DAAM2: variants seen among roughly 807,000 people sequenced by gnomAD.
The protein encoded by DAAM2 is disheveled-associated activator of morphogenesis 2.
In DAAM2, 39 loss-of-function variants were observed where a neutral mutation model predicts 120.7. The ratio of observed to expected loss-of-function variants is 0.32; its 90% confidence interval spans 0.25 to 0.42. DAAM2 has a LOEUF of 0.42. Ranked by LOEUF, DAAM2 falls within the 10% of genes least tolerant of loss-of-function variation. The probability of loss-of-function intolerance (pLI) is 1.00; values close to 1 mark genes in which losing one functional copy is unlikely to be tolerated. For synonymous variants in DAAM2, 488 were observed against 524.9 expected (o/e 0.93, Z 0.96); for missense variants, 1,283 against 1,401.7 (o/e 0.92, Z 1.35).
rs369257027 is a variant in DAAM2, at chr6:39,884,082, A to G, written c.1953+13A>G. The stretch of plus-strand genomic sequence containing the variant: ...CCAGAGGCACCAGGTAAGACCCTAT[A>G]CCCTCTGGCCTCTTGGACCATACCC... On this transcript the variant is annotated intron_variant, in intron 15 of 24. Transcript: ENST00000274867. 285 of 1,437,236 alleles carry G rather than the reference A, an allele frequency of 2.0e-4. No individual in the cohort carries two copies. The highest frequency in any genetic ancestry group is 2.6e-4 in the Admixed American group (15 of 57,074). The allele number at this position is 1,437,236 out of a possible 1,614,324, so 89.0% of individuals were successfully genotyped here. A position where few individuals can be genotyped will look rare whatever the true frequency, so the allele number is the denominator to read the frequency against.
Position 39,898,904 on chromosome 6 carries a change from C to T in DAAM2, c.2646C>T (p.Gly882=). The change falls in exon 22 of 25, where the codon GGC becomes GGT. Residue 882 remains glycine, a synonymous_variant. Transcript: ENST00000274867. ...TAGCAGAACTGGAGAAGGAGGTGGG[C>T]AACCTCAGGAGGGGCCTGAGAGCGG... is the stretch of plus-strand genomic sequence containing the variant. ...VNLAELEKEV[G]NLRRGLRAVE... The T allele has an allele frequency of 6.2e-7, 1 of 1,612,782 alleles. No individual in the cohort carries two copies. Among genetic ancestry groups the T allele is most frequent in the South Asian group, 1.1e-5 (1 of 90,598 alleles).
intron 22 of DAAM2, 64 bp from the exon 23 acceptor site, chr6:39,900,013 T>G: frequency 6.5e-7 from 1 of 1,533,012 alleles, no homozygotes; most frequent in Non-Finnish European, 8.8e-7. Context: ...GGAGATGTGG[T>G]GACCCCTGCA....
intron 1 of DAAM2, among the ~76,000 whole-genome samples, chr6:39,794,631 G>A (rs1362202476): frequency 6.6e-6 from 1 of 152,064 alleles, no homozygotes; most frequent in Non-Finnish European, 1.5e-5. Flanking sequence ...TGCTTGCTGT[G>A]AGAACATGTT....
At position 39,864,363 on chromosome 6, in the gene DAAM2, T is replaced by A; in HGVS notation, c.259-70T>A. ...AATGAATCCCTCTGCTGACACGGAA[T>A]GAAGCTCAGGATCTCAGGCCACGGG... On this transcript the variant is annotated intron_variant, in intron 3 of 24. Coordinates refer to ENST00000274867, the MANE Select transcript of DAAM2 (RefSeq NM_001201427.2). 4 of 1,221,644 alleles carry A rather than the reference T, an allele frequency of 3.3e-6. No homozygotes were observed. In the South Asian group the frequency reaches 5.2e-5, roughly 16 times the overall value. 75.7% of individuals were successfully genotyped at this position (1,221,644 alleles called of 1,614,324 possible).
At chr6:39,825,102 T>C (rs2114154640) in intron 1 of DAAM2, among the ~76,000 whole-genome samples, 3 of 152,114 alleles carry the variant, frequency 2.0e-5, no homozygotes, top group Middle Eastern at 6.8e-3. Flanking sequence ...AGAAGGGTCT[T>C]TGTCAGGCTG....
chr6:39,895,227 C>CTTATTTATTTATTTATTTATTTAT lies in DAAM2; in HGVS notation c.2342-1582_2342-1559dup, dbSNP rs59537611. On this transcript the variant is annotated intron_variant, in intron 19 of 24. Coordinates refer to ENST00000274867, the MANE Select transcript of DAAM2 (RefSeq NM_001201427.2). The stretch of plus-strand genomic sequence containing the variant: ...CTATTCATTTTTACAACTTTATTTA[C>CTTATTTATTTATTTATTTATTTAT]TTATTTATTTATTTATTTATTTATT... Among the ~76,000 whole-genome samples the CTTATTTATTTATTTATTTATTTAT allele has an allele frequency of 3.3e-3, 452 of 137,744 alleles. 6 individuals carry two copies. Among genetic ancestry groups the CTTATTTATTTATTTATTTATTTAT allele is most frequent in the South Asian group, 0.021 (90 of 4,342 alleles). The allele number at this position is 137,744 out of a possible 152,430, so 90.4% of individuals were successfully genotyped here.
At chr6:39,876,486 A>G (rs1764872457) in intron 11 of DAAM2, among the ~76,000 whole-genome samples, 1 of 152,232 alleles carries the variant, frequency 6.6e-6, no homozygotes, top group Admixed American at 6.5e-5. Flanking sequence ...TACACTATTT[A>G]GTAGGCAATC....
chr6:39,844,119 G>T (rs1763468995), intron 1 of DAAM2, among the ~76,000 whole-genome samples: 1 of 152,090 alleles, frequency 6.6e-6, no homozygotes, highest in African/African-American at 2.4e-5. Context: ...GTAAAATTTT[G>T]AGCCTAGCCT....
chr6:39,866,885 A>C (rs976995538), intron 5 of DAAM2, among the ~76,000 whole-genome samples: 2 of 152,238 alleles, frequency 1.3e-5, no homozygotes, highest in Non-Finnish European at 2.9e-5. Flanking sequence ...TCATTGAGGA[A>C]AATACTAAAT....
At chr6:39,834,543 C>A (rs1763033910) in intron 1 of DAAM2, among the ~76,000 whole-genome samples, 1 of 152,202 alleles carries the variant, frequency 6.6e-6, no homozygotes, top group Non-Finnish European at 1.5e-5. Flanking sequence ...TGTTGAGGAT[C>A]ATGTGCGACA....
chr6:39,876,793 T>C (rs1303767099), intron 11 of DAAM2, among the ~76,000 whole-genome samples: 7 of 152,136 alleles, frequency 4.6e-5, no homozygotes, highest in African/African-American at 1.7e-4. Context: ...CTTTTCTCTG[T>C]TCTATTTACC....
chr6:39,854,780 G>C (rs567731747), intron 1 of DAAM2, among the ~76,000 whole-genome samples: 15 of 152,316 alleles, frequency 9.8e-5, no homozygotes, highest in African/African-American at 2.9e-4. Context: ...GGCTTTAGGG[G>C]AAATCTCTCA....
chr6:39,902,712 T>C lies in DAAM2; in HGVS notation c.*675T>C, dbSNP rs72858874. 785 of 152,522 alleles carry C rather than the reference T, an allele frequency of 5.1e-3. 7 individuals carry two copies. Among genetic ancestry groups the C allele is most frequent in the South Asian group, 0.012 (56 of 4,816 alleles). The allele number at this position is 152,522 out of a possible 1,614,324, so 9.4% of individuals were successfully genotyped here. A position where few individuals can be genotyped will look rare whatever the true frequency, so the allele number is the denominator to read the frequency against. On this transcript the variant is annotated 3_prime_UTR_variant, in exon 25 of 25. Coordinates refer to ENST00000274867, the MANE Select transcript of DAAM2 (RefSeq NM_001201427.2). The stretch of plus-strand genomic sequence containing the variant: ...CTCTCCCTGCATGTCTTAAGTATCT[T>C]TCCCTTCCTTCTCTACCCTCACCTC...
intron 1 of DAAM2, among the ~76,000 whole-genome samples, chr6:39,803,426 G>A (rs1761925112): frequency 6.6e-6 from 1 of 152,174 alleles, no homozygotes; most frequent in Non-Finnish European, 1.5e-5. Flanking sequence ...AAAGTCTGCT[G>A]GGGTAGGTAG....
In DAAM2 at chr6:39,870,414, C is replaced by T. The variant is rs776399197; in HGVS notation, c.948C>T (p.Leu316=). Residue 316 remains leucine (L), a synonymous_variant, in exon 8 of 25, where the codon CTC becomes CTT. Coordinates refer to ENST00000274867, the MANE Select transcript of DAAM2 (RefSeq NM_001201427.2). ...GTATACAGCCTGTGATTGACAAGCT[C>T]CGGCAACATGAAAATGCCATCCTGG... ...MLGIQPVIDK[L]RQHENAILDK... The T allele has an allele frequency of 5.1e-6, 8 of 1,583,830 alleles. No homozygotes were observed. Among genetic ancestry groups the T allele is most frequent in the South Asian group, 1.2e-5 (1 of 86,438 alleles).
chr6:39,879,365 G>A lies in DAAM2; in HGVS notation c.1733G>A (p.Gly578Asp), dbSNP rs372627478. 1 of 1,613,052 alleles carries A rather than the reference G, an allele frequency of 6.2e-7. No homozygotes were observed. The highest frequency in any genetic ancestry group is 2.2e-5 in the East Asian group (1 of 44,838). Reference sequence around the variant, plus strand: ...GGTGCCCCACCTTGCCTCGGCATGGGCCTGCCCCTCCCTCAGGACCCCTAC... The same window carrying A: ...GGTGCCCCACCTTGCCTCGGCATGGACCTGCCCCTCCCTCAGGACCCCTAC... ...PPGAPPCLGMGLPLPQDPYPS... is the reference protein window; with the variant it reads ...PPGAPPCLGMDLPLPQDPYPS... Residue 578 changes from glycine to aspartate, a missense_variant, in exon 14 of 25, where the codon GGC (glycine) becomes GAC (aspartate). Transcript: ENST00000274867.
chr6:39,812,596 C>T (rs1441043589), intron 1 of DAAM2, among the ~76,000 whole-genome samples: 4 of 147,136 alleles, frequency 2.7e-5, no homozygotes, highest in Admixed American at 2.1e-4. Flanking sequence ...CGCCTCCCCA[C>T]CCTGCCCCTG....
intron 1 of DAAM2, chr6:39,793,017 C>G (rs1367584639): frequency 1.3e-5 from 2 of 152,426 alleles, no homozygotes; most frequent in African/African-American, 4.8e-5. Flanking sequence ...AGGAGCATCT[C>G]AGGAAAGGGG....
Position 39,900,057 on chromosome 6 carries a change from A to G in DAAM2, c.2680-20A>G. On this transcript the variant is annotated intron_variant, in intron 22 of 24. Coordinates refer to ENST00000274867, the MANE Select transcript of DAAM2 (RefSeq NM_001201427.2). ...TCATCTTGGCACCAGTCTAAGCAGC[A>G]CTTCACCCTCCCTCCTCAGGAGCTG... The G allele has an allele frequency of 1.0e-5, 16 of 1,597,148 alleles. No individual in the cohort carries two copies. The highest frequency in any genetic ancestry group is 1.4e-5 in the Non-Finnish European group (16 of 1,171,986).
Sources: allele counts gnomAD v4.1 joint callset (sites outside exome capture counted in the v4.1 genomes callset), GRCh38; gene constraint gnomAD v4.1.1; transcripts MANE v1.5; gene names NCBI Gene and HGNC (gene_info 2026-07-23, HGNC 2026-07-21).